RTTN: variants seen among roughly 807,000 people sequenced by gnomAD.
The protein encoded by RTTN is rotatin.
A neutral mutation model predicts 269.2 loss-of-function variants in RTTN; 182 were observed. The observed-to-expected ratio is 0.68, with a 90% confidence interval of 0.60 to 0.76. The LOEUF (loss-of-function observed/expected upper bound fraction) is 0.76. Among genes scored for constraint, RTTN ranks in the 30% least tolerant of loss-of-function variants. RTTN has a pLI of 0.00. For synonymous variants in RTTN, 1,006 were observed against 963.5 expected, an observed-to-expected ratio of 1.04 and a Z score of -0.82; for missense variants, 2,545 against 2,608.6, an observed-to-expected ratio of 0.98 and a Z score of 0.53.
chr18:70,152,861 T>C (rs1285248304), intron 14 of RTTN, among the ~76,000 whole-genome samples: 1 of 152,216 alleles, frequency 6.6e-6, no homozygotes, highest in Non-Finnish European at 1.5e-5. Flanking sequence ...GGGAGAGTGA[T>C]CTTTTCAGAA....
In RTTN at chr18:70,087,285, A is replaced by G. The variant is rs1458862664; in HGVS notation, c.4303-601T>C. 2.0e-5 allele frequency among the ~76,000 whole-genome samples: 3 copies of G among 152,382 alleles called. No individual in the cohort carries two copies. In the East Asian group the frequency reaches 5.8e-4, roughly 29 times the overall value. ...GGAGAATGACAGGATTAACAAGAGG[A>G]TTCTAAGAAACTGACATTTCCAACC... On this transcript the variant is annotated intron_variant, in intron 31 of 48. Transcript: ENST00000640769.
intron 5 of RTTN, 27 bp downstream of exon 5, chr18:70,199,387 T>C (rs781520247): frequency 2.1e-5 from 32 of 1,490,486 alleles, no homozygotes; most frequent in Non-Finnish European, 2.9e-5. Context: ...TGAACAAAAA[T>C]ACCTGAAAAT....
chr18:70,124,447 T>C (rs1273219667), intron 25 of RTTN, among the ~76,000 whole-genome samples: 2 of 152,068 alleles, frequency 1.3e-5, no homozygotes, highest in Non-Finnish European at 2.9e-5. Context: ...TCAGGGTAAC[T>C]AGAATTCCAC....
intron 25 of RTTN, 77 bp downstream of exon 25, chr18:70,127,425 T>C: frequency 1.3e-6 from 2 of 1,517,138 alleles, no homozygotes; most frequent in South Asian, 1.3e-5. Context: ...TAGACTCTTA[T>C]CTTCAAAGGT....
intron 48 of RTTN, among the ~76,000 whole-genome samples, chr18:70,004,823 G>GT (rs1234616464): frequency 2.0e-5 from 3 of 152,008 alleles, no homozygotes; most frequent in Non-Finnish European, 4.4e-5. Flanking sequence ...GGATATAAGG[G>GT]TAACAGGATC....
chr18:70,111,499 G>C (rs936293310), intron 27 of RTTN, among the ~76,000 whole-genome samples: 1 of 151,906 alleles, frequency 6.6e-6, no homozygotes, highest in African/African-American at 2.4e-5. Context: ...CAAACAGAAA[G>C]GAACAGCACG....
intron 11 of RTTN, among the ~76,000 whole-genome samples, chr18:70,171,458 C>T (rs1317505241): frequency 6.6e-6 from 1 of 152,144 alleles, no homozygotes; most frequent in African/African-American, 2.4e-5. Context: ...CTCGCTTCAC[C>T]ACAAAGGAAT....
intron 39 of RTTN, among the ~76,000 whole-genome samples, chr18:70,050,032 TATC>T (rs1238039924): frequency 3.3e-5 from 5 of 152,220 alleles, no homozygotes; most frequent in Non-Finnish European, 4.4e-5. Flanking sequence ...TTTATAATCA[TATC>T]ATATGTACCT....
chr18:70,155,583 C>T (rs903448262), intron 14 of RTTN, among the ~76,000 whole-genome samples: 6 of 152,168 alleles, frequency 3.9e-5, no homozygotes, highest in African/African-American at 1.4e-4. Context: ...ATGGGAGACC[C>T]CATGACCTGC....
intron 8 of RTTN, 96 bp from the exon 9 acceptor site, chr18:70,190,815 A>G: frequency 1.3e-6 from 1 of 753,260 alleles, no homozygotes; most frequent in Non-Finnish European, 2.2e-6. Flanking sequence ...AGCCTCATAC[A>G]AGTCACAACT....
chr18:70,146,472 T>C (rs972346199), intron 17 of RTTN, among the ~76,000 whole-genome samples: 3 of 152,210 alleles, frequency 2.0e-5, no homozygotes, highest in Non-Finnish European at 4.4e-5. Context: ...ACTCCTCTGA[T>C]AGGTTCTTGA....
rs1215807897 is a variant in RTTN at position 70,057,755 on chromosome 18, T to C, written c.5018A>G (p.His1673Arg). ...TGAGATGCTTACCTGAGCCTGAGTG[T>C]GTTCAGCTGGAGGTGATGAAGGCAG... ...ALLPSSPPAE[H>R]TQAQVSFLLE... The change falls in exon 37 of 49, where the codon CAC (histidine) becomes CGC (arginine). Residue 1673 changes from histidine to arginine, a missense_variant. Coordinates refer to ENST00000640769, the MANE Select transcript of RTTN (RefSeq NM_173630.4). 6.2e-7 allele frequency: 1 copy of C among 1,613,562 alleles called. No individual in the cohort carries two copies. The highest frequency in any genetic ancestry group is 1.1e-5 in the South Asian group (1 of 91,018).
chr18:70,102,815 C>G (rs1353369758), intron 28 of RTTN, among the ~76,000 whole-genome samples: 1 of 152,232 alleles, frequency 6.6e-6, no homozygotes, highest in Non-Finnish European at 1.5e-5. Context: ...GATTTTATTT[C>G]TCCTTCACTT....
chr18:70,030,980 C>T lies in RTTN; in HGVS notation c.5543G>A (p.Cys1848Tyr), dbSNP rs1389204378. Residue 1848 changes from cysteine to tyrosine, a missense_variant and splice_region_variant, in exon 41 of 49, where the codon TGC becomes TAC. Cys to Tyr is a radical substitution (Grantham distance 194). Transcript: ENST00000640769. ...ATCTTTGGAGGATTTCCCTTCATAGCACTGCAGAGAATATAAATCAAACTG... is the reference window on the plus strand; with the variant it reads ...ATCTTTGGAGGATTTCCCTTCATAGTACTGCAGAGAATATAAATCAAACTG... Reference protein sequence around the residue: ...LEQLSDVILQCYEGKSSKDIL... With the variant: ...LEQLSDVILQYYEGKSSKDIL... The T allele has an allele frequency of 1.2e-5, 19 of 1,604,002 alleles. No individual in the cohort carries two copies. The highest frequency in any genetic ancestry group is 1.4e-5 in the Non-Finnish European group (17 of 1,172,980).
intron 7 of RTTN, among the ~76,000 whole-genome samples, chr18:70,194,912 A>G (rs553660501): frequency 6.6e-6 from 1 of 152,304 alleles, no homozygotes; most frequent in South Asian, 2.1e-4. Flanking sequence ...ATGTCACTAT[A>G]TTGTATACTT....
intron 21 of RTTN, 55 bp from the exon 22 acceptor site, chr18:70,135,335 A>G: frequency 9.7e-7 from 1 of 1,033,622 alleles, no homozygotes; most frequent in Non-Finnish European, 1.4e-6. Context: ...GAAAGAATGA[A>G]CTTCAAATTT....
At chr18:70,158,476 C>A (rs2060741974) in intron 14 of RTTN, among the ~76,000 whole-genome samples, 1 of 152,270 alleles carries the variant, frequency 6.6e-6, no homozygotes, top group East Asian at 1.9e-4. Context: ...AGACCATTAC[C>A]TGCCTCCACA....
intron 40 of RTTN, among the ~76,000 whole-genome samples, chr18:70,041,948 G>GACAGCAATTGACAAGTTGC (rs1568284564): frequency 6.6e-6 from 1 of 151,992 alleles, no homozygotes; most frequent in Non-Finnish European, 1.5e-5. Context: ...GGTCCCCTTG[G>GACAGCAATTGACAAGTTGC]ACAGCAATTG....
At chr18:70,089,962 C>CA (rs973378891) in intron 30 of RTTN, among the ~76,000 whole-genome samples, 5 of 151,636 alleles carry the variant, frequency 3.3e-5, no homozygotes, top group African/African-American at 9.7e-5. Flanking sequence ...CCTATCTGTG[C>CA]AAAAAAAATG....
Sources: gnomAD v4.1 joint callset for allele counts (sites outside exome capture counted in the v4.1 genomes callset) on GRCh38, gnomAD v4.1.1 for gene constraint, MANE v1.5 for transcripts, NCBI Gene and HGNC (gene_info 2026-07-23, HGNC 2026-07-21) for gene names.